The following ITFG1 variants were observed in gnomAD, a reference collection of about 807,000 sequenced individuals.
ITFG1 encodes the protein integrin alpha FG-GAP repeat containing 1, also known as T-cell immunomodulatory protein.
Under a neutral mutation model 81.8 loss-of-function variants are expected in ITFG1, and 34 were observed. That is an observed-to-expected ratio of 0.42 (90% CI 0.32 to 0.55). The LOEUF is 0.55. ITFG1 is among the 20% of genes least tolerant of loss of function. ITFG1 has a pLI of 0.17. For synonymous variants in ITFG1, 285 were observed against 270.6 expected, an observed-to-expected ratio of 1.05 and a Z score of -0.52; for missense variants, 672 against 755.4, an observed-to-expected ratio of 0.89 and a Z score of 1.29.
At chr16:47,179,573 A>G (rs1965075303) in intron 14 of ITFG1, among the ~76,000 whole-genome samples, 1 of 152,308 alleles carries the variant, frequency 6.6e-6, no homozygotes, top group Admixed American at 6.5e-5. Context: ...AAAATCATTG[A>G]ATTGTACACT....
At chr16:47,353,331 T>C (rs1967992977) in intron 8 of ITFG1, among the ~76,000 whole-genome samples, 1 of 152,062 alleles carries the variant, frequency 6.6e-6, no homozygotes, top group South Asian at 2.1e-4. Flanking sequence ...GAAAAAGCAT[T>C]TGACAGAATT....
At position 47,398,288 on chromosome 16, in the gene ITFG1, A is replaced by T. The variant is rs186015049; in HGVS notation, c.656-22348T>A. Among the ~76,000 whole-genome samples the T allele has an allele frequency of 2.0e-3, 303 of 152,338 alleles. 4 individuals are homozygous for T. The highest frequency in any genetic ancestry group is 1.9e-4 in the Non-Finnish European group (13 of 68,040). ...AGAAGTGGCAGGAAGCATGAGCCAG[A>T]AAAACAAAAAAAAAGGCCTGAATCA... On this transcript the variant is annotated intron_variant, in intron 6 of 17. Transcript: ENST00000320640.
chr16:47,337,967 T>A (rs376150817), intron 8 of ITFG1, among the ~76,000 whole-genome samples: 11 of 152,394 alleles, frequency 7.2e-5, no homozygotes, highest in African/African-American at 2.4e-4. Context: ...CTTGGTTTCA[T>A]GTTTGTTTGT....
intron 14 of ITFG1, among the ~76,000 whole-genome samples, chr16:47,205,311 C>A (rs1965478774): frequency 1.3e-5 from 2 of 152,150 alleles, no homozygotes; most frequent in Admixed American, 6.5e-5. Context: ...AGCACCCTCC[C>A]AGTTGTGACA....
Position 47,221,995 on chromosome 16 carries a change from C to T in ITFG1, c.1375-3049G>A, listed in dbSNP as rs567787480. Among the ~76,000 whole-genome samples, 47 of 152,050 alleles carry T rather than the reference C, an allele frequency of 3.1e-4. No homozygotes were observed. In the South Asian group the frequency reaches 3.9e-3, roughly 13 times the overall value. ...TCTCTTTTTTTCTTTATTAGTCTTG[C>T]TAGCGGTCTATCAATTTTGTTGATC... On this transcript the variant is annotated intron_variant, in intron 13 of 17. Coordinates refer to ENST00000320640, the MANE Select transcript of ITFG1 (RefSeq NM_030790.5).
At chr16:47,415,867 G>A (rs2151604707) in intron 6 of ITFG1, among the ~76,000 whole-genome samples, 1 of 152,238 alleles carries the variant, frequency 6.6e-6, no homozygotes, top group Non-Finnish European at 1.5e-5. Flanking sequence ...GCTGAGGTGG[G>A]CGGATCACCT....
chr16:47,452,822 G>T (rs1969406329), intron 3 of ITFG1, 32 bp from the exon 4 acceptor site: 1 of 1,165,852 alleles, frequency 8.6e-7, no homozygotes, highest in Non-Finnish European at 1.2e-6. Context: ...ATATGAATTA[G>T]CAGGCATTTT....
chr16:47,375,998 A>C (rs1968319396), intron 6 of ITFG1, 58 bp from the exon 7 acceptor site: 13 of 922,608 alleles, frequency 1.4e-5, no homozygotes, highest in Non-Finnish European at 2.0e-5. Context: ...GTGTACATTT[A>C]AAAACAGAAA....
At chr16:47,337,864 T>C (rs879904855) in intron 8 of ITFG1, among the ~76,000 whole-genome samples, 4 of 152,324 alleles carry the variant, frequency 2.6e-5, no homozygotes, top group East Asian at 3.9e-4. Context: ...TTCCCTAGAC[T>C]CTGTGCGAGC....
intron 5 of ITFG1, among the ~76,000 whole-genome samples, chr16:47,446,394 A>G (rs1409513107): frequency 6.6e-6 from 1 of 152,244 alleles, no homozygotes; most frequent in Non-Finnish European, 1.5e-5. Context: ...CATAAGAGAA[A>G]ATACGAAGAT....
At chr16:47,266,689 T>G (rs1966280115) in intron 10 of ITFG1, among the ~76,000 whole-genome samples, 1 of 152,218 alleles carries the variant, frequency 6.6e-6, no homozygotes, top group South Asian at 2.1e-4. Flanking sequence ...TGACACAGGA[T>G]TTTATTCCTA....
At chr16:47,313,876 T>C in intron 8 of ITFG1, 53 bp from the exon 9 acceptor site, 1 of 988,872 alleles carries the variant, frequency 1.0e-6, no homozygotes, top group Non-Finnish European at 1.5e-6. Context: ...AAAGTGTTCT[T>C]GTATGGTATA....
At chr16:47,170,963 G>GACCTCAGGTGATCTGCCT (rs1391403534) in intron 14 of ITFG1, among the ~76,000 whole-genome samples, 1 of 150,142 alleles carries the variant, frequency 6.7e-6, no homozygotes, top group East Asian at 1.9e-4. Flanking sequence ...TCAAACTCCT[G>GACCTCAGGTGATCTGCCT]ACCTCAGGTG....
intron 12 of ITFG1, among the ~76,000 whole-genome samples, chr16:47,241,136 C>T (rs570535413): frequency 6.6e-6 from 1 of 150,960 alleles, no homozygotes; most frequent in South Asian, 2.1e-4. Flanking sequence ...ATAAAACAGT[C>T]CAAGAATAAC....
chr16:47,155,822 T>G (rs114069058), intron 17 of ITFG1, 44 bp from the exon 18 acceptor site: 1 of 1,398,132 alleles, frequency 7.2e-7, no homozygotes, highest in African/African-American at 1.4e-5. Context: ...TAGAAAGATG[T>G]TATGAAAAGA....
At chr16:47,419,601 C>T (rs377143677) in intron 6 of ITFG1, among the ~76,000 whole-genome samples, 868 of 82,020 alleles carry the variant, frequency 0.011, 35 homozygotes, top group African/African-American at 0.037. Context: ...TACTTCAGGT[C>T]TTTTTTTTTT....
At chr16:47,324,687 G>A (rs936166182) in intron 8 of ITFG1, among the ~76,000 whole-genome samples, 2 of 152,070 alleles carry the variant, frequency 1.3e-5, no homozygotes, top group Non-Finnish European at 2.9e-5. Context: ...TTGCAATCAA[G>A]TCTCGGATAA....
rs148338599 is a variant in ITFG1, at chr16:47,365,280, T to C, written c.802+508A>G. ...AATGATAAAAAGAGCCACATATGCT[T>C]TGGAAGTTCCTGACCAATGTGAACT... On this transcript the variant is annotated intron_variant, in intron 8 of 17. Coordinates refer to ENST00000320640, the MANE Select transcript of ITFG1 (RefSeq NM_030790.5). Among the ~76,000 whole-genome samples the C allele has an allele frequency of 1.8e-3, 270 of 152,312 alleles. 2 individuals are homozygous for C. In the Middle Eastern group the frequency reaches 0.024, roughly 13 times the overall value.
chr16:47,196,394 A>G (rs1046914698), intron 14 of ITFG1: 2 of 152,060 alleles, frequency 1.3e-5, no homozygotes, highest in African/African-American at 4.8e-5. Flanking sequence ...GTTTGCTTAC[A>G]ATGCTCCACT....
Sources: allele counts gnomAD v4.1 joint callset (sites outside exome capture counted in the v4.1 genomes callset), GRCh38; gene constraint gnomAD v4.1.1; transcripts MANE v1.5; gene names NCBI Gene and HGNC (gene_info 2026-07-23, HGNC 2026-07-21).